DPP10: variants seen among roughly 807,000 people sequenced by gnomAD.
DPP10 encodes the protein inactive dipeptidyl peptidase 10.
In DPP10, 33 loss-of-function variants were observed where a neutral mutation model predicts 120.9. That is an observed-to-expected ratio of 0.27 (90% confidence interval 0.21 to 0.37). The LOEUF is 0.37. Among genes scored for constraint, DPP10 ranks in the 10% least tolerant of loss-of-function variants. The pLI is 1.00. For missense variants in DPP10, 816 were observed against 942.8 expected (o/e 0.87, Z 1.76); for synonymous variants, 337 against 326.1 (o/e 1.03, Z -0.36).
At position 115,377,874 on chromosome 2, in the gene DPP10, A is replaced by G. The variant is rs1214773760; in HGVS notation, c.271+33962A>G. 7.2e-5 allele frequency among the ~76,000 whole-genome samples: 11 copies of G among 152,182 alleles called. No individual in the cohort carries two copies. In the East Asian group the frequency reaches 1.4e-3, roughly 19 times the overall value. ...GATCAGATAGTTGCAGATATGTGGC[A>G]TTATTTCTGAGGGCTCTGTTCTGTT... On this transcript the variant is annotated intron_variant, in intron 3 of 25. Transcript: ENST00000410059.
At chr2:115,362,964 C>T (rs1055844017) in intron 3 of DPP10, among the ~76,000 whole-genome samples, 9 of 152,192 alleles carry the variant, frequency 5.9e-5, no homozygotes, top group Non-Finnish European at 1.0e-4. Flanking sequence ...TTGGTATCCT[C>T]TTTTGTGCAG....
At chr2:114,933,730 T>C (rs1696250537) in intron 1 of DPP10, among the ~76,000 whole-genome samples, 1 of 152,212 alleles carries the variant, frequency 6.6e-6, no homozygotes, top group Admixed American at 6.5e-5. Context: ...AGAGAGGTTC[T>C]CTTACTTGGT....
At chr2:115,706,957 C>T (rs2092134367) in intron 7 of DPP10, among the ~76,000 whole-genome samples, 1 of 151,890 alleles carries the variant, frequency 6.6e-6, no homozygotes, top group Admixed American at 6.6e-5. Context: ...TGCTCTCCTC[C>T]TTAAGAACAA....
intron 1 of DPP10, among the ~76,000 whole-genome samples, chr2:114,485,627 C>A (rs1484262652): frequency 6.6e-6 from 1 of 151,760 alleles, no homozygotes; most frequent in Non-Finnish European, 1.5e-5. Flanking sequence ...AAAGCAATAG[C>A]CTCTCATGAT....
At chr2:114,596,515 G>T (rs985693176) in intron 1 of DPP10, among the ~76,000 whole-genome samples, 13 of 152,034 alleles carry the variant, frequency 8.6e-5, no homozygotes, top group Non-Finnish European at 1.8e-4. Context: ...TAAGATAAAT[G>T]CATAGATGTC....
rs892800480 is a variant in DPP10, at chr2:114,948,320, T to C, written c.61-360919T>C. On this transcript the variant is annotated intron_variant, in intron 1 of 25. Coordinates refer to ENST00000410059, the MANE Select transcript of DPP10 (RefSeq NM_020868.6). The stretch of plus-strand genomic sequence containing the variant: ...AGAAATTCTCATTTTTACTTGACAT[T>C]TCCAATATTATTTCTTATCTCTACA... Among the ~76,000 whole-genome samples, 25 of 152,246 alleles carry C rather than the reference T, an allele frequency of 1.6e-4. No homozygotes were observed. In the East Asian group the frequency reaches 4.6e-3, roughly 28 times the overall value.
At chr2:115,003,617 A>G (rs1701605739) in intron 1 of DPP10, among the ~76,000 whole-genome samples, 1 of 152,218 alleles carries the variant, frequency 6.6e-6, no homozygotes, top group African/African-American at 2.4e-5. Flanking sequence ...AAAGAAATCA[A>G]GAGTTCTAGA....
intron 1 of DPP10, among the ~76,000 whole-genome samples, chr2:114,732,327 A>T (rs1195273045): frequency 1.3e-5 from 2 of 152,174 alleles, no homozygotes; most frequent in African/African-American, 4.8e-5. Context: ...TGTGGATGCC[A>T]GCGCATAAGA....
chr2:114,748,402 T>TA (rs1172431886), intron 1 of DPP10, among the ~76,000 whole-genome samples: 1 of 137,688 alleles, frequency 7.3e-6, no homozygotes, highest in African/African-American at 2.8e-5. Flanking sequence ...TTATTTATTT[T>TA]AAATTTTTTT....
intron 1 of DPP10, among the ~76,000 whole-genome samples, chr2:114,686,788 A>T (rs1291578058): frequency 6.6e-6 from 1 of 151,996 alleles, no homozygotes; most frequent in Non-Finnish European, 1.5e-5. Context: ...AATGTACAAT[A>T]CATTCTTCCC....
chr2:115,245,436 T>C (rs1344176712), intron 1 of DPP10, among the ~76,000 whole-genome samples: 2 of 152,048 alleles, frequency 1.3e-5, no homozygotes, highest in African/African-American at 4.8e-5. Flanking sequence ...GATACCACCT[T>C]ACTCTTGCAA....
chr2:114,552,115 G>A (rs1687932102), intron 1 of DPP10, among the ~76,000 whole-genome samples: 1 of 152,204 alleles, frequency 6.6e-6, no homozygotes, highest in Non-Finnish European at 1.5e-5. Context: ...ATGGATTTTG[G>A]TGTAAACACT....
At chr2:114,621,818 G>A (rs1313536660) in intron 1 of DPP10, among the ~76,000 whole-genome samples, 1 of 151,260 alleles carries the variant, frequency 6.6e-6, no homozygotes, top group Non-Finnish European at 1.5e-5. Context: ...GCTTGTGCCT[G>A]CCTCCTTGTG....
chr2:114,789,718 A>G (rs1683081707), intron 1 of DPP10, among the ~76,000 whole-genome samples: 1 of 152,224 alleles, frequency 6.6e-6, no homozygotes, highest in Non-Finnish European at 1.5e-5. Context: ...AAATAAATAC[A>G]TTGATTAATA....
chr2:115,236,316 G>T (rs1309742826), intron 1 of DPP10, among the ~76,000 whole-genome samples: 6 of 152,176 alleles, frequency 3.9e-5, no homozygotes, highest in Admixed American at 3.9e-4. Context: ...TAGTTGTCAG[G>T]CAAGCAAGTT....
intron 1 of DPP10, among the ~76,000 whole-genome samples, chr2:114,891,039 A>G (rs1692499495): frequency 6.6e-6 from 1 of 152,164 alleles, no homozygotes; most frequent in African/African-American, 2.4e-5. Context: ...CATCCTAATG[A>G]CAGATGCTAC....
chr2:115,289,239 T>C (rs1452876417), intron 1 of DPP10, among the ~76,000 whole-genome samples: 2 of 151,198 alleles, frequency 1.3e-5, no homozygotes, highest in South Asian at 2.1e-4. Flanking sequence ...ACTAAGGAGG[T>C]GAATGATCTC....
intron 5 of DPP10, among the ~76,000 whole-genome samples, chr2:115,630,453 G>A (rs895055143): frequency 4.6e-5 from 7 of 152,104 alleles, no homozygotes; most frequent in Non-Finnish European, 7.4e-5. Flanking sequence ...TTAAATAGTA[G>A]TTGTGAAACA....
chr2:115,750,021 T>G (rs1392262937), intron 10 of DPP10: 8 of 985,216 alleles, frequency 8.1e-6, no homozygotes, highest in African/African-American at 3.5e-5. Flanking sequence ...GAGGACTTCC[T>G]GGGTAATCCA....
Sources: allele counts gnomAD v4.1 joint callset (sites outside exome capture counted in the v4.1 genomes callset), GRCh38; gene constraint gnomAD v4.1.1; transcripts MANE v1.5; gene names NCBI Gene and HGNC (gene_info 2026-07-23, HGNC 2026-07-21).